The following MAPK4 variants were observed in gnomAD, a reference collection of about 807,000 sequenced individuals.
The protein encoded by MAPK4 is Erk3-related.
MAPK4 carries 22 observed loss-of-function variants against 47.7 expected under a neutral mutation model. The ratio of observed to expected loss-of-function variants is 0.46; its 90% CI spans 0.33 to 0.66. MAPK4 has a LOEUF of 0.66. Ranked by LOEUF, MAPK4 falls within the 30% of genes least tolerant of loss-of-function variation. The pLI is 0.02. For synonymous variants in MAPK4, 390 were observed against 365.7 expected (o/e 1.07, Z -0.76); for missense variants, 736 against 831.7 (o/e 0.88, Z 1.42).
At position 50,563,787 on chromosome 18, in the gene MAPK4, C is replaced by G. The variant is rs1175859375; in HGVS notation, c.-871+3544C>G. On this transcript the variant is annotated intron_variant, in intron 1 of 5. Transcript: ENST00000400384. Reference sequence around the variant, plus strand: ...TCAGGGCCTGCTATGCTCTCTTCCTCTCCATCATTTTCAGCTGTTGAGAGC... The same window carrying G: ...TCAGGGCCTGCTATGCTCTCTTCCTGTCCATCATTTTCAGCTGTTGAGAGC... 2.0e-5 allele frequency among the ~76,000 whole-genome samples: 3 copies of G among 152,216 alleles called. No individual in the cohort carries two copies. The East Asian group carries it at 5.8e-4, about 29-fold the overall frequency.
chr18:50,622,571 C>T (rs534769405), intron 1 of MAPK4, among the ~76,000 whole-genome samples: 1 of 152,194 alleles, frequency 6.6e-6, no homozygotes, highest in Admixed American at 6.5e-5. Context: ...GGCAAGGAGG[C>T]CTTCATTCCT....
In MAPK4 at chr18:50,612,739, GCCTACAA is replaced by G. The variant is rs1291249813; in HGVS notation, c.-870-50346_-870-50340del. ...GCAGGAAATTATTGCTGAATTCACA[GCCTACAA>G]CCTTTAAACATTGTGAAATGTCTTC... On this transcript the variant is annotated intron_variant, in intron 1 of 5. Transcript: ENST00000400384. Among the ~76,000 whole-genome samples, 5 of 152,196 alleles carry G rather than the reference GCCTACAA, an allele frequency of 3.3e-5. No individual in the cohort carries two copies. In the East Asian group the frequency reaches 9.6e-4, roughly 29 times the overall value.
intron 2 of MAPK4, among the ~76,000 whole-genome samples, chr18:50,675,046 T>A (rs1908179124): frequency 6.6e-6 from 1 of 152,202 alleles, no homozygotes; most frequent in African/African-American, 2.4e-5. Context: ...AAGTGCTTAA[T>A]GGGTGTTAAC....
At chr18:50,621,788 TC>T (rs1295265117) in intron 1 of MAPK4, among the ~76,000 whole-genome samples, 1 of 152,260 alleles carries the variant, frequency 6.6e-6, no homozygotes, top group East Asian at 1.9e-4. Flanking sequence ...GCTTATGATT[TC>T]CCTGGAGTTT....
intron 1 of MAPK4, among the ~76,000 whole-genome samples, chr18:50,653,213 C>G (rs1048335027): frequency 4.0e-5 from 6 of 151,746 alleles, no homozygotes; most frequent in Non-Finnish European, 7.4e-5. Context: ...AAAAAAGAAC[C>G]AGGCGAAGAG....
At chr18:50,572,747 A>G (rs116706397) in intron 1 of MAPK4, among the ~76,000 whole-genome samples, 1,551 of 152,302 alleles carry the variant, frequency 0.01, 29 homozygotes, top group African/African-American at 0.035. Flanking sequence ...CCAACAAACA[A>G]CAGTGTTTTG....
At chr18:50,653,921 T>C (rs939132799) in intron 1 of MAPK4, among the ~76,000 whole-genome samples, 2 of 152,212 alleles carry the variant, frequency 1.3e-5, no homozygotes, top group Non-Finnish European at 2.9e-5. Flanking sequence ...AGGCCACCGA[T>C]GCACATGGGC....
intron 2 of MAPK4, among the ~76,000 whole-genome samples, chr18:50,706,601 AAAG>A (rs1016420291): frequency 6.6e-6 from 1 of 152,130 alleles, no homozygotes. Context: ...CATCTTACTA[AAAG>A]AAGCCATTTG....
In MAPK4 at chr18:50,560,168, C is replaced by A. The variant is rs1478017728; in HGVS notation, c.-946C>A. On this transcript the variant is annotated 5_prime_UTR_variant, in exon 1 of 6. Transcript: ENST00000400384. ...TGCGCCGTGGCTGGGACCGGCCTGG[C>A]CGAGCGCGCCGGCGCCGCGGCCGCA... 6.7e-6 allele frequency: 1 copy of A among 150,106 alleles called. No homozygotes were observed. Among genetic ancestry groups the A allele is most frequent in the Non-Finnish European group, 1.5e-5 (1 of 67,374 alleles). 9.3% of individuals were successfully genotyped at this position (150,106 alleles called of 1,614,324 possible). A position where few individuals can be genotyped will look rare whatever the true frequency, so the allele number is the denominator to read the frequency against.
rs776998927 is a variant in MAPK4, at chr18:50,715,140, C to T, written c.608C>T (p.Pro203Leu). 1 of 1,614,158 alleles carries T rather than the reference C, an allele frequency of 6.2e-7. No individual in the cohort carries two copies. Among genetic ancestry groups the T allele is most frequent in the Non-Finnish European group, 8.5e-7 (1 of 1,180,032 alleles). The change falls in exon 3 of 6, where the codon CCC (proline) becomes CTC (leucine). Residue 203 changes from proline to leucine, a missense_variant. By Grantham distance (98) the Pro-to-Leu change is moderately conservative. Around this residue, in one of 3 missense-constraint regions of MAPK4, gnomAD observed 327 missense variants for 395.4 expected, o/e 0.83. Coordinates refer to ENST00000400384, the MANE Select transcript of MAPK4 (RefSeq NM_002747.4). The stretch of plus-strand genomic sequence containing the variant: ...CGTTCCCCACGACTGCTCCTTTCCC[C>T]CAATAACTACACCAAAGCCATCGAC... Reference protein sequence around the residue: ...WYRSPRLLLSPNNYTKAIDMW... With the variant: ...WYRSPRLLLSLNNYTKAIDMW...
At chr18:50,719,488 G>A (rs962520270) in intron 3 of MAPK4, among the ~76,000 whole-genome samples, 1 of 152,196 alleles carries the variant, frequency 6.6e-6, no homozygotes, top group Non-Finnish European at 1.5e-5. Flanking sequence ...GGAGAAAGGA[G>A]GAACAGGTGG....
At chr18:50,561,983 C>T (rs2042157689) in intron 1 of MAPK4, among the ~76,000 whole-genome samples, 1 of 152,192 alleles carries the variant, frequency 6.6e-6, no homozygotes, top group East Asian at 1.9e-4. Context: ...TTTAATGCTA[C>T]TGTCATACCG....
chr18:50,571,770 CAT>C (rs1466336830), intron 1 of MAPK4, among the ~76,000 whole-genome samples: 3 of 152,184 alleles, frequency 2.0e-5, no homozygotes, highest in Non-Finnish European at 4.4e-5. Flanking sequence ...TTTTCAATAA[CAT>C]ATGTGAAAGC....
At position 50,729,571 on chromosome 18, in the gene MAPK4, C is replaced by A; in HGVS notation, c.1481C>A (p.Ala494Glu). The A allele has an allele frequency of 7.0e-7, 1 of 1,423,992 alleles. No individual in the cohort carries two copies. Among genetic ancestry groups the A allele is most frequent in the Non-Finnish European group, 9.2e-7 (1 of 1,087,932 alleles). 88.2% of individuals were successfully genotyped at this position (1,423,992 alleles called of 1,614,324 possible). A position where few individuals can be genotyped will look rare whatever the true frequency, so the allele number is the denominator to read the frequency against. The change falls in exon 6 of 6, where the codon GCG (alanine) becomes GAG (glutamate). Residue 494 changes from alanine to glutamate, a missense_variant. Ala to Glu is a moderately radical substitution (Grantham distance 107). Coordinates refer to ENST00000400384, the MANE Select transcript of MAPK4 (RefSeq NM_002747.4). Reference sequence around the variant, plus strand: ...CCGGCCAGCCTCTTCCTGGAGATCGCGCAGTGGGTCAAGAGCACGCAGGGC... The same window carrying A: ...CCGGCCAGCCTCTTCCTGGAGATCGAGCAGTGGGTCAAGAGCACGCAGGGC... ...DEPASLFLEI[A>E]QWVKSTQGGP...
intron 1 of MAPK4, among the ~76,000 whole-genome samples, chr18:50,596,196 A>C (rs1470260692): frequency 6.6e-6 from 1 of 152,182 alleles, no homozygotes; most frequent in Non-Finnish European, 1.5e-5. Flanking sequence ...CTTGAGGTAC[A>C]GTGAGGTTAA....
chr18:50,612,678 G>A (rs553562002), intron 1 of MAPK4, among the ~76,000 whole-genome samples: 34 of 152,304 alleles, frequency 2.2e-4, no homozygotes, highest in African/African-American at 7.5e-4. Flanking sequence ...GTCATCTTCT[G>A]TGTACATCCT....
Position 50,576,775 on chromosome 18 carries a change from G to A in MAPK4, c.-871+16532G>A, listed in dbSNP as rs76952871. On this transcript the variant is annotated intron_variant, in intron 1 of 5. Transcript: ENST00000400384. Reference sequence around the variant, plus strand: ...CCCTAGGACAGTATTTATTAATGAAGCAGTATAATGCAGTTTGTATGAAGC... The same window carrying A: ...CCCTAGGACAGTATTTATTAATGAAACAGTATAATGCAGTTTGTATGAAGC... Among the ~76,000 whole-genome samples the A allele has an allele frequency of 1.2e-4, 19 of 152,280 alleles. No homozygotes were observed. In the East Asian group the frequency reaches 2.7e-3, roughly 22 times the overall value.
rs866814383 is a variant in MAPK4, at chr18:50,717,438, G to T, written c.691+2215G>T. Among the ~76,000 whole-genome samples the T allele has an allele frequency of 2.4e-3, 362 of 152,242 alleles. 1 individual carries two copies. The highest frequency in any genetic ancestry group is 7.8e-3 in the African/African-American group (322 of 41,544). On this transcript the variant is annotated intron_variant, in intron 3 of 5. Coordinates refer to ENST00000400384, the MANE Select transcript of MAPK4 (RefSeq NM_002747.4). ...ATGGCCAGCACTCATGGCCTGCATTGGTAGGCCTAGGCTCCTGGGGCTACC... is the reference window on the plus strand; with the variant it reads ...ATGGCCAGCACTCATGGCCTGCATTTGTAGGCCTAGGCTCCTGGGGCTACC...
chr18:50,590,363 T>C (rs758923278), intron 1 of MAPK4, among the ~76,000 whole-genome samples: 1 of 152,186 alleles, frequency 6.6e-6, no homozygotes, highest in Non-Finnish European at 1.5e-5. Flanking sequence ...CCAACCCCGA[T>C]AGTGACTTTC....
Sources: allele counts gnomAD v4.1 joint callset (sites outside exome capture counted in the v4.1 genomes callset), GRCh38; gene constraint gnomAD v4.1.1; regional missense constraint gnomAD v4.1.1; transcripts MANE v1.5; gene names NCBI Gene and HGNC (gene_info 2026-07-23, HGNC 2026-07-21).